The following ZMYM2 variants were observed in gnomAD, a reference collection of about 807,000 sequenced individuals.
The protein encoded by ZMYM2 is zinc finger MYM-type protein 2.
In ZMYM2, 56 loss-of-function variants were observed where a neutral mutation model predicts 162.8. That is an observed-to-expected ratio of 0.34 (90% CI 0.28 to 0.43). ZMYM2 has a LOEUF of 0.43. ZMYM2 is among the 20% of genes least tolerant of loss of function. The pLI is 1.00. For synonymous variants in ZMYM2, 510 were observed against 541.6 expected (o/e 0.94, Z 0.81); for missense variants, 1,275 against 1,621.8 (o/e 0.79, Z 3.67).
chr13:19,991,079 C>CTGTGTGTGTGTGTGTGTGTGTG (rs56666919), intron 2 of ZMYM2, among the ~76,000 whole-genome samples: 177 of 59,918 alleles, frequency 3.0e-3, no homozygotes, highest in Middle Eastern at 8.2e-3. Flanking sequence ...TATGTATTTT[C>CTGTGTGTGTGTGTGTGTGTGTG]TGTGTGTGTG....
At chr13:19,911,596 C>T in the ZMYM2 span, among the ~76,000 whole-genome samples, 1 of 152,090 alleles carries the variant, frequency 6.6e-6, no homozygotes, top group Admixed American at 6.6e-5. Context: ...CTCAGAAGAC[C>T]CAAAAGGTCA....
In ZMYM2 at chr13:20,026,661, T is replaced by C; in HGVS notation, c.1634T>C (p.Phe545Ser). 1.9e-6 allele frequency: 3 copies of C among 1,610,470 alleles called. No individual in the cohort carries two copies. The highest frequency in any genetic ancestry group is 2.5e-6 in the Non-Finnish European group (3 of 1,179,118). Residue 545 changes from phenylalanine to serine, a missense_variant, in exon 8 of 25, where the codon TTT (phenylalanine) becomes TCT (serine). Coordinates refer to ENST00000610343, the MANE Select transcript of ZMYM2 (RefSeq NM_197968.4). Reference sequence around the variant, plus strand: ...ACTGGTTGCCGAACACAGTGCAGGTTTTTTGATATGACTCAGTGTATAGGT... The same window carrying C: ...ACTGGTTGCCGAACACAGTGCAGGTCTTTTGATATGACTCAGTGTATAGGT... ...TCTGCRTQCR[F>S]FDMTQCIGPN...
chr13:20,085,357 AT>A (rs1250596972), intron 24 of ZMYM2, among the ~76,000 whole-genome samples: 1 of 152,184 alleles, frequency 6.6e-6, no homozygotes, highest in Non-Finnish European at 1.5e-5. Flanking sequence ...TTAGTAGGAA[AT>A]TCCTATCTCA....
chr13:20,068,669 C>T (rs1040498668), intron 21 of ZMYM2, among the ~76,000 whole-genome samples: 2 of 152,096 alleles, frequency 1.3e-5, no homozygotes, highest in Non-Finnish European at 2.9e-5. Flanking sequence ...AGCATTTATA[C>T]TGTACCAGGT....
In ZMYM2 at chr13:20,087,947, T is replaced by TA. The variant is rs780482425; in HGVS notation, c.*1934dup. 1 of 194,210 alleles carries TA rather than the reference T, an allele frequency of 5.1e-6. No individual in the cohort carries two copies. Among genetic ancestry groups the TA allele is most frequent in the Non-Finnish European group, 1.1e-5 (1 of 93,116 alleles). The allele number at this position is 194,210 out of a possible 1,614,324, so 12.0% of individuals were successfully genotyped here. On this transcript the variant is annotated 3_prime_UTR_variant, in exon 25 of 25. Transcript: ENST00000610343. ...AAGGTGGTTAATTCTAACCATCTTT[T>TA]AGTCTTCAAAGTGGTGCTATATTCC... is the stretch of plus-strand genomic sequence containing the variant.
chr13:20,001,072 T>C (rs1220823730), intron 3 of ZMYM2, among the ~76,000 whole-genome samples: 1 of 152,130 alleles, frequency 6.6e-6, no homozygotes, highest in Non-Finnish European at 1.5e-5. Flanking sequence ...GTGGTGGAAA[T>C]AGCATGAGAA....
chr13:20,030,632 T>C (rs182247156), intron 9 of ZMYM2, among the ~76,000 whole-genome samples: 1 of 152,192 alleles, frequency 6.6e-6, no homozygotes, highest in African/African-American at 2.4e-5. Flanking sequence ...TCTCCTGACT[T>C]CGTGATCCGC....
intron 2 of ZMYM2, among the ~76,000 whole-genome samples, chr13:19,990,299 T>C (rs1447959950): frequency 1.7e-4 from 26 of 152,234 alleles, no homozygotes; most frequent in Non-Finnish European, 1.0e-4. Context: ...GGCCTTGATG[T>C]GTTATTCTCT....
At chr13:20,011,050 C>T (rs747165777) in intron 6 of ZMYM2, among the ~76,000 whole-genome samples, 1 of 152,136 alleles carries the variant, frequency 6.6e-6, no homozygotes, top group Non-Finnish European at 1.5e-5. Flanking sequence ...ATTAGGATAG[C>T]CATCACCCCA....
At chr13:19,944,670 G>A in the ZMYM2 span, among the ~76,000 whole-genome samples, 1 of 151,916 alleles carries the variant, frequency 6.6e-6, no homozygotes, top group Non-Finnish European at 1.5e-5. Context: ...CTCCTTCCAT[G>A]TCCTATTTAT....
At chr13:19,892,722 C>CT in the ZMYM2 span, among the ~76,000 whole-genome samples, 443 of 143,878 alleles carry the variant, frequency 3.1e-3, 6 homozygotes, top group African/African-American at 7.3e-3. Flanking sequence ...TTATTTTAAC[C>CT]TTTTTTTTTT....
Position 20,083,644 on chromosome 13 carries a change from T to C in ZMYM2, c.3821-12T>C. 1 of 1,491,244 alleles carries C rather than the reference T, an allele frequency of 6.7e-7. No homozygotes were observed. Among genetic ancestry groups the C allele is most frequent in the African/African-American group, 1.4e-5 (1 of 71,268 alleles). The allele number at this position is 1,491,244 out of a possible 1,614,324, so 92.4% of individuals were successfully genotyped here. On this transcript the variant is annotated splice_polypyrimidine_tract_variant and intron_variant, in intron 23 of 24. Transcript: ENST00000610343. ...TTAGTTTAGGAGGTTTATTTCACTT[T>C]TATTTTTTAAGATAAAATTACTACT...
intron 21 of ZMYM2, among the ~76,000 whole-genome samples, chr13:20,074,952 C>A (rs1957382737): frequency 6.6e-6 from 1 of 152,146 alleles, no homozygotes; most frequent in Admixed American, 6.5e-5. Flanking sequence ...TTTTGTTCTA[C>A]AGTTTACCAA....
chr13:19,888,145 C>T, the ZMYM2 span, among the ~76,000 whole-genome samples: 3 of 151,810 alleles, frequency 2.0e-5, no homozygotes, highest in Non-Finnish European at 2.9e-5. Flanking sequence ...TCCCAAAGTG[C>T]TGGGATTACA....
chr13:19,939,953 C>T, the ZMYM2 span, among the ~76,000 whole-genome samples: 1 of 152,212 alleles, frequency 6.6e-6, no homozygotes, highest in South Asian at 2.1e-4. Flanking sequence ...AGGAATTAGG[C>T]GGTTCTAGTT....
chr13:19,971,486 T>C (rs1956333697), intron 2 of ZMYM2, among the ~76,000 whole-genome samples: 1 of 151,524 alleles, frequency 6.6e-6, no homozygotes, highest in Admixed American at 6.6e-5. Flanking sequence ...GTCAGGCTGG[T>C]CTCGAACTCC....
intron 2 of ZMYM2, among the ~76,000 whole-genome samples, chr13:19,969,608 A>T (rs868142781): frequency 6.6e-5 from 10 of 152,204 alleles, no homozygotes; most frequent in Non-Finnish European, 1.3e-4. Flanking sequence ...AATAAAAGAG[A>T]TCAGCAAAAT....
At chr13:19,987,649 G>A (rs185741118) in intron 2 of ZMYM2, among the ~76,000 whole-genome samples, 28 of 149,790 alleles carry the variant, frequency 1.9e-4, no homozygotes, top group Non-Finnish European at 2.8e-4. Flanking sequence ...GTGTGTGTGT[G>A]TGTGTGTGTA....
intron 3 of ZMYM2, among the ~76,000 whole-genome samples, chr13:19,999,691 G>A (rs1950257745): frequency 6.6e-6 from 1 of 152,186 alleles, no homozygotes; most frequent in Non-Finnish European, 1.5e-5. Context: ...AGCCTAGAAA[G>A]GCTGAGAGCT....
Sources: allele counts gnomAD v4.1 joint callset (sites outside exome capture counted in the v4.1 genomes callset), GRCh38; gene constraint gnomAD v4.1.1; transcripts MANE v1.5; gene names NCBI Gene and HGNC (gene_info 2026-07-23, HGNC 2026-07-21).